Variants in CYP3A4 observed in about 807,000 individuals in gnomAD.
CYP3A4 encodes the protein cytochrome P450 3A4.
A neutral mutation model predicts 54.9 loss-of-function variants in CYP3A4; 41 were observed. The ratio of observed to expected loss-of-function variants is 0.75; its 90% CI spans 0.58 to 0.97. CYP3A4 has a LOEUF of 0.97. Among genes scored for constraint, CYP3A4 ranks in the 50% least tolerant of loss-of-function variants. The pLI is 0.00. For synonymous variants in CYP3A4, 179 were observed against 205.2 expected, an observed-to-expected ratio of 0.87 and a Z score of 1.09; for missense variants, 510 against 597.3, an observed-to-expected ratio of 0.85 and a Z score of 1.52.
intron 3 of CYP3A4, among the ~76,000 whole-genome samples, chr7:99,775,441 A>G (rs1051847302): frequency 6.6e-6 from 1 of 152,218 alleles, no homozygotes; most frequent in African/African-American, 2.4e-5. Context: ...ACTTCAAATT[A>G]TACTAAAAGG....
At chr7:99,780,683 T>C (rs535312109) in intron 1 of CYP3A4, among the ~76,000 whole-genome samples, 2 of 152,104 alleles carry the variant, frequency 1.3e-5, no homozygotes, top group Non-Finnish European at 1.5e-5. Flanking sequence ...CTTGGAGGAG[T>C]CACAGAGTCC....
intron 1 of CYP3A4, among the ~76,000 whole-genome samples, chr7:99,783,360 A>G (rs1392144334): frequency 6.6e-6 from 1 of 152,196 alleles, no homozygotes; most frequent in East Asian, 1.9e-4. Flanking sequence ...TAGTTTAGTA[A>G]GGAGAAGCCA....
rs1815494153 is a variant in CYP3A4, at chr7:99,767,102, A to G, written c.798+29T>C. ...TCTAAAAAATTATGAAAAACTAAACATCCTCCTATAACTACCACCACATTT... is the reference window on the plus strand; with the variant it reads ...TCTAAAAAATTATGAAAAACTAAACGTCCTCCTATAACTACCACCACATTT... On this transcript the variant is annotated intron_variant, in intron 8 of 12. Coordinates refer to ENST00000651514, the MANE Select transcript of CYP3A4 (RefSeq NM_017460.6). 2.5e-6 allele frequency: 4 copies of G among 1,597,688 alleles called. No homozygotes were observed. In the African/African-American group the frequency reaches 5.4e-5, roughly 22 times the overall value.
At chr7:99,764,090 A>C in intron 9 of CYP3A4, 75 bp from the exon 10 acceptor site, 1 of 1,601,628 alleles carries the variant, frequency 6.2e-7, no homozygotes, top group South Asian at 1.1e-5. Context: ...AGAGAAATCT[A>C]AGTGAAGCCC....
In CYP3A4 at chr7:99,778,075, A is replaced by G; in HGVS notation, c.171T>C (p.Phe57=). 1 of 1,612,178 alleles carries G rather than the reference A, an allele frequency of 6.2e-7. No individual in the cohort carries two copies. Among genetic ancestry groups the G allele is most frequent in the South Asian group, 1.1e-5 (1 of 90,936 alleles). Residue 57 remains phenylalanine (F), a synonymous_variant, in exon 3 of 13, where the codon TTT becomes TTC. Transcript: ENST00000651514. The part of the protein sequence containing the change: ...LGNILSYHKG[F]CMFDMECHKK... ...TATGACATTCCATGTCAAACATACA[A>G]AAGCCCTGGGAGGAGAAACAAAATA... is the stretch of plus-strand genomic sequence containing the variant.
At position 99,762,114 on chromosome 7, in the gene CYP3A4, C is replaced by G. The variant is rs1815350815; in HGVS notation, c.1180G>C (p.Val394Leu). The change falls in exon 11 of 13, where the codon GTG becomes CTG. Residue 394 changes from valine to leucine, a missense_variant. Val to Leu is a conservative substitution (Grantham distance 32). Transcript: ENST00000651514. Reference sequence around the variant, plus strand: ...TGAAGAGCATAGCTTGGAATCATCACCACCACCCCTTTGGGAATGAACATC... The same window carrying G: ...TGAAGAGCATAGCTTGGAATCATCAGCACCACCCCTTTGGGAATGAACATC... ...NGMFIPKGVV[V>L]MIPSYALHRD... 1 of 1,614,000 alleles carries G rather than the reference C, an allele frequency of 6.2e-7. No individual in the cohort carries two copies. Among genetic ancestry groups the G allele is most frequent in the African/African-American group, 1.3e-5 (1 of 74,968 alleles).
chr7:99,775,535 C>T (rs1815746797), intron 3 of CYP3A4, among the ~76,000 whole-genome samples: 1 of 152,112 alleles, frequency 6.6e-6, no homozygotes, highest in African/African-American at 2.4e-5. Flanking sequence ...AGAAATAACA[C>T]CATGCATCTA....
intron 12 of CYP3A4, among the ~76,000 whole-genome samples, chr7:99,759,346 T>C (rs191967752): frequency 6.6e-6 from 1 of 152,364 alleles, no homozygotes; most frequent in Admixed American, 6.5e-5. Flanking sequence ...TTTCTATAAA[T>C]ATAATACCTT....
intron 12 of CYP3A4, among the ~76,000 whole-genome samples, chr7:99,758,986 A>T (rs1341899330): frequency 2.6e-5 from 4 of 152,164 alleles, no homozygotes; most frequent in African/African-American, 4.8e-5. Flanking sequence ...CCATGGAGTA[A>T]TGGGCAAGAA....
chr7:99,767,374 T>C (rs1815502864), intron 7 of CYP3A4, 116 bp from the exon 8 acceptor site: 1 of 925,218 alleles, frequency 1.1e-6, no homozygotes, highest in Non-Finnish European at 1.6e-6. Flanking sequence ...ATCAAGGTTC[T>C]CAACTGGAAG....
At chr7:99,763,273 C>T (rs1235671219) in intron 10 of CYP3A4, among the ~76,000 whole-genome samples, 3 of 152,256 alleles carry the variant, frequency 2.0e-5, no homozygotes, top group South Asian at 2.1e-4. Context: ...CGGCTCTCAC[C>T]CCAGGGACTG....
rs1230449965 is a variant in CYP3A4, at chr7:99,768,463, T to C, written c.561A>G (p.Thr187=). Residue 187 remains threonine (T), a synonymous_variant, in exon 7 of 13, where the codon ACA becomes ACG. Transcript: ENST00000651514. The part of the protein sequence containing the change: ...GAYSMDVITS[T]SFGVNIDSLN... ...GAGAGTCGATGTTCACTCCAAATGA[T>C]GTGCTAGTGATCACATCCATGCTGT... 1 of 1,614,056 alleles carries C rather than the reference T, an allele frequency of 6.2e-7. No individual in the cohort carries two copies. The highest frequency in any genetic ancestry group is 1.7e-5 in the Admixed American group (1 of 60,012).
At chr7:99,767,371 T>G (rs1563041437) in intron 7 of CYP3A4, 113 bp from the exon 8 acceptor site, 4 of 948,306 alleles carry the variant, frequency 4.2e-6, no homozygotes, top group African/African-American at 3.3e-5. Context: ...GACATCAAGG[T>G]TCTCAACTGG....
At position 99,758,191 on chromosome 7, in the gene CYP3A4, G is replaced by C. The variant is rs749380087; in HGVS notation, c.1454C>G (p.Pro485Arg). The change falls in exon 13 of 13, where the codon CCA becomes CGA. Residue 485 changes from proline to arginine, a missense_variant. This residue lies in a region of CYP3A4 where 238 missense variants were observed against 322.5 expected (regional missense o/e 0.74). Transcript: ENST00000651514. ...LKLSLGGLLQ[P>R]EKPVVLKVES... The stretch of plus-strand genomic sequence containing the variant: ...AACCTTTAGAACAACGGGTTTTTCT[G>C]GTTGAAGAAGTCCTCCTAAGCTTAA... The C allele has an allele frequency of 3.1e-6, 5 of 1,613,956 alleles. No individual in the cohort carries two copies. The highest frequency in any genetic ancestry group is 1.1e-5 in the South Asian group (1 of 91,080).
rs143158202 is a variant in CYP3A4 at position 99,763,990 on chromosome 7, G to A, written c.891C>T (p.Ala297=). The part of the protein sequence containing the change: ...HKALSDLELV[A]QSIIFIFAGY... Reference sequence around the variant, plus strand: ...CAGCAAAAATAAAGATAATTGATTGGGCCACGAGCTCCAGATCGGACAGAG... The same window carrying A: ...CAGCAAAAATAAAGATAATTGATTGAGCCACGAGCTCCAGATCGGACAGAG... The change falls in exon 10 of 13, where the codon GCC becomes GCT. Residue 297 remains alanine (A), a synonymous_variant. Coordinates refer to ENST00000651514, the MANE Select transcript of CYP3A4 (RefSeq NM_017460.6). 13 of 1,613,904 alleles carry A rather than the reference G, an allele frequency of 8.1e-6. No individual in the cohort carries two copies. The African/African-American group carries it at 1.6e-4, about 20-fold the overall frequency.
Position 99,762,143 on chromosome 7 carries a change from T to C in CYP3A4, c.1151A>G (p.Asn384Ser). 1.2e-6 allele frequency: 2 copies of C among 1,614,060 alleles called. No homozygotes were observed. Among genetic ancestry groups the C allele is most frequent in the African/African-American group, 2.7e-5 (2 of 75,026 alleles). ...ERVCKKDVEI[N>S]GMFIPKGVVV... ...CACCCCTTTGGGAATGAACATCCCA[T>C]TGATCTCAACATCTTTTTTGCAGAC... The change falls in exon 11 of 13, where the codon AAT (asparagine) becomes AGT (serine). Residue 384 changes from asparagine to serine, a missense_variant. This residue lies in a region of CYP3A4 where 238 missense variants were observed against 322.5 expected (regional missense o/e 0.74). Coordinates refer to ENST00000651514, the MANE Select transcript of CYP3A4 (RefSeq NM_017460.6).
Position 99,757,947 on chromosome 7 carries a change from CCAAGTATAA to C in CYP3A4, c.*177_*185del, listed in dbSNP as rs1815219502. On this transcript the variant is annotated 3_prime_UTR_variant, in exon 13 of 13. Coordinates refer to ENST00000651514, the MANE Select transcript of CYP3A4 (RefSeq NM_017460.6). ...TGATTTGGTCACCTCCTTTATATTCCCAAGTATAACACTCTACACAGACAATGAGAGAGC... is the reference window on the plus strand; with the variant it reads ...TGATTTGGTCACCTCCTTTATATTCCCACTCTACACAGACAATGAGAGAGC... The C allele has an allele frequency of 1.8e-6, 1 of 561,930 alleles. No homozygotes were observed. Among genetic ancestry groups the C allele is most frequent in the Non-Finnish European group, 3.2e-6 (1 of 315,772 alleles). 34.8% of individuals were successfully genotyped at this position (561,930 alleles called of 1,614,324 possible).
chr7:99,772,831 T>C, intron 3 of CYP3A4, 142 bp from the exon 4 acceptor site: 1 of 836,212 alleles, frequency 1.2e-6, no homozygotes. Context: ...TCTAGTTCAT[T>C]AGGTATGACA....
intron 4 of CYP3A4, among the ~76,000 whole-genome samples, chr7:99,771,142 A>C (rs1267866245): frequency 2.0e-5 from 3 of 152,092 alleles, no homozygotes; most frequent in Non-Finnish European, 2.9e-5. Flanking sequence ...AAAAGAAATA[A>C]AAGGCATACA....
Sources: allele counts gnomAD v4.1 joint callset (sites outside exome capture counted in the v4.1 genomes callset), GRCh38; gene constraint gnomAD v4.1.1; regional missense constraint gnomAD v4.1.1; transcripts MANE v1.5; gene names NCBI Gene and HGNC (gene_info 2026-07-23, HGNC 2026-07-21).